The following USB1 variants were observed in gnomAD, a reference collection of about 807,000 sequenced individuals.
USB1 encodes U6 snRNA phosphodiesterase 1.
In USB1, 21 loss-of-function variants were observed where a neutral mutation model predicts 29.9. The observed-to-expected ratio is 0.70, with a 90% confidence interval of 0.50 to 1.01. USB1 has a LOEUF of 1.01. USB1 is among the 50% of genes least tolerant of loss of function. The pLI, the probability that USB1 is intolerant of heterozygous loss-of-function variation, is 0.00. For synonymous variants in USB1, 143 were observed against 134.9 expected, an observed-to-expected ratio of 1.06 and a Z score of -0.42; for missense variants, 330 against 347.1, an observed-to-expected ratio of 0.95 and a Z score of 0.39.
At chr16:58,001,778 C>T (rs1041881730) in intron 1 of USB1, among the ~76,000 whole-genome samples, 197 bp downstream of exon 1, 18 of 151,888 alleles carry the variant, frequency 1.2e-4, no homozygotes, top group African/African-American at 4.4e-4. Flanking sequence ...GTGGCCCCAC[C>T]TGGCTAGGGC....
In USB1 at chr16:58,010,184, G is replaced by A. The variant is rs559769855; in HGVS notation, c.449+72G>A. ...TTCTCCTCCTCTCCTGAGCTACTGC[G>A]GGCATTACCCCAGCAGGCAGGCAGA... On this transcript the variant is annotated intron_variant, in intron 3 of 6. Transcript: ENST00000219281. The A allele has an allele frequency of 2.7e-3, 4,232 of 1,582,838 alleles. 5 individuals carry two copies. The highest frequency in any genetic ancestry group is 3.5e-3 in the Non-Finnish European group (4,001 of 1,156,032).
In USB1 at chr16:58,018,958, G is replaced by A. The variant is rs757856307; in HGVS notation, c.610-14G>A. The A allele has an allele frequency of 2.4e-5, 38 of 1,613,898 alleles. No individual in the cohort carries two copies. Among genetic ancestry groups the A allele is most frequent in the Non-Finnish European group, 3.1e-5 (37 of 1,179,988 alleles). On this transcript the variant is annotated splice_polypyrimidine_tract_variant and intron_variant, in intron 5 of 6. Transcript: ENST00000219281. ...GCGTCCGGGTGACTGCCTGCCTCTC[G>A]TTTCCCTCCCCAGGATCCTTCTTTC...
intron 4 of USB1, chr16:58,017,002 A>G (rs1433799127): frequency 2.7e-6 from 1 of 369,452 alleles, no homozygotes; most frequent in Admixed American, 3.9e-5. Context: ...GACAGGAGTC[A>G]TTTGCGATTG....
chr16:57,999,782 A>T (rs1019026136), upstream of USB1: 5 of 152,336 alleles, frequency 3.3e-5, no homozygotes, highest in African/African-American at 7.2e-5. Context: ...TGCTTGAGCA[A>T]GCAGGTACCA....
At chr16:58,008,497 A>G (rs561968654) in intron 2 of USB1, among the ~76,000 whole-genome samples, 1 of 137,260 alleles carries the variant, frequency 7.3e-6, no homozygotes, top group African/African-American at 2.8e-5. Flanking sequence ...TCCGTCACCC[A>G]GGCTGGAGTA....
In USB1 at chr16:58,020,615, T is replaced by G; in HGVS notation, c.*370T>G. On this transcript the variant is annotated 3_prime_UTR_variant, in exon 7 of 7. Coordinates refer to ENST00000219281, the MANE Select transcript of USB1 (RefSeq NM_024598.4). ...CTCTCTCTACCCCTCCTGTCTCTCC[T>G]CCCCTCCTCTCTCTTCCTCTCCTCT... The G allele has an allele frequency of 3.3e-6, 1 of 302,582 alleles. No individual in the cohort carries two copies. Among genetic ancestry groups the G allele is most frequent in the Non-Finnish European group, 6.1e-6 (1 of 163,300 alleles). The allele number at this position is 302,582 out of a possible 1,614,324, so 18.7% of individuals were successfully genotyped here. A position where few individuals can be genotyped will look rare whatever the true frequency, so the allele number is the denominator to read the frequency against.
intron 3 of USB1, chr16:58,011,064 G>GT: frequency 1.2e-6 from 1 of 816,942 alleles, no homozygotes. Context: ...AGATGCCCCT[G>GT]TCACCCAGGA....
chr16:58,011,166 G>A, intron 3 of USB1: 1 of 1,506,450 alleles, frequency 6.6e-7, no homozygotes, highest in Non-Finnish European at 8.9e-7. Flanking sequence ...CTGCTGCTTA[G>A]GAAATGACAC....
intron 2 of USB1, among the ~76,000 whole-genome samples, chr16:58,008,636 A>G (rs1302488025): frequency 6.6e-6 from 1 of 151,920 alleles, no homozygotes; most frequent in Admixed American, 6.6e-5. Flanking sequence ...TATTTTTAGT[A>G]GAGACGGGGT....
Position 58,020,383 on chromosome 16 carries a change from A to T in USB1, c.*138A>T, listed in dbSNP as rs929478632. On this transcript the variant is annotated 3_prime_UTR_variant, in exon 7 of 7. Transcript: ENST00000219281. ...CTTCAACCTGGCAGGAGGTGTAGCC[A>T]CTCCTCATCCTCCCTGAGTGCTGAT... 5.4e-6 allele frequency: 4 copies of T among 743,774 alleles called. No homozygotes were observed. The highest frequency in any genetic ancestry group is 5.2e-5 in the African/African-American group (3 of 57,376). 46.1% of individuals were successfully genotyped at this position (743,774 alleles called of 1,614,324 possible). A position where few individuals can be genotyped will look rare whatever the true frequency, so the allele number is the denominator to read the frequency against.
At chr16:58,012,030 G>A (rs1379124106) in intron 3 of USB1, 9 of 1,219,460 alleles carry the variant, frequency 7.4e-6, no homozygotes, top group Admixed American at 4.0e-5. Flanking sequence ...AGCCTGATGT[G>A]TGGCTGTGTA....
intron 1 of USB1, 46 bp downstream of exon 1, chr16:58,001,627 A>G (rs984082882): frequency 6.4e-7 from 1 of 1,560,478 alleles, no homozygotes; most frequent in African/African-American, 1.4e-5. Flanking sequence ...CATTCACCCT[A>G]GAGCCAGACG....
At chr16:58,018,605 C>G (rs1158806560) in intron 5 of USB1, among the ~76,000 whole-genome samples, 1 of 151,676 alleles carries the variant, frequency 6.6e-6, no homozygotes, top group Non-Finnish European at 1.5e-5. Flanking sequence ...TTGGGGGCTA[C>G]AGAGAGAGAG....
Position 58,013,279 on chromosome 16 carries a change from C to T in USB1, c.450-994C>T, listed in dbSNP as rs1963540003. 5 of 985,296 alleles carry T rather than the reference C, an allele frequency of 5.1e-6. No homozygotes were observed. Among genetic ancestry groups the T allele is most frequent in the Non-Finnish European group, 6.0e-6 (5 of 829,946 alleles). 61.0% of individuals were successfully genotyped at this position (985,296 alleles called of 1,614,324 possible). On this transcript the variant is annotated intron_variant, in intron 3 of 6. Transcript: ENST00000219281. The surrounding 1 kb of genome is among the most constrained non-coding windows in gnomAD (Gnocchi z 4.3). ...TGTCCACTCCAGGATGTTTGGGAGA[C>T]ACCTTGAGAACTCTTCCTAAAAGCT... is the stretch of plus-strand genomic sequence containing the variant.
intron 3 of USB1, chr16:58,012,872 C>A (rs1303186204): frequency 2.8e-5 from 28 of 986,960 alleles, no homozygotes; most frequent in Non-Finnish European, 1.2e-5. Flanking sequence ...GGCACGAGTC[C>A]CTTGCTGGGA....
chr16:58,002,772 T>C, intron 2 of USB1, 127 bp downstream of exon 2: 1 of 1,338,892 alleles, frequency 7.5e-7, no homozygotes, highest in Non-Finnish European at 1.0e-6. Context: ...GGGAAAGTCA[T>C]TGACTTAGCA....
At position 58,013,371 on chromosome 16, in the gene USB1, G is replaced by A. The variant is rs1211186434; in HGVS notation, c.450-902G>A. 4 of 985,416 alleles carry A rather than the reference G, an allele frequency of 4.1e-6. No individual in the cohort carries two copies. Among genetic ancestry groups the A allele is most frequent in the Non-Finnish European group, 4.8e-6 (4 of 830,006 alleles). The allele number at this position is 985,416 out of a possible 1,614,324, so 61.0% of individuals were successfully genotyped here. A position where few individuals can be genotyped will look rare whatever the true frequency, so the allele number is the denominator to read the frequency against. Reference sequence around the variant, plus strand: ...TTTCTCCAGAGGCAGAGAGTTGGCTGACTGACTTTTGCCCTTGGGCAGATT... The same window carrying A: ...TTTCTCCAGAGGCAGAGAGTTGGCTAACTGACTTTTGCCCTTGGGCAGATT... On this transcript the variant is annotated intron_variant, in intron 3 of 6. Coordinates refer to ENST00000219281, the MANE Select transcript of USB1 (RefSeq NM_024598.4). The surrounding 1 kb of genome is among the most constrained non-coding windows in gnomAD (Gnocchi z 4.3).
chr16:58,019,666 C>T lies in USB1; in HGVS notation c.694-475C>T, dbSNP rs563532621. On this transcript the variant is annotated intron_variant, in intron 6 of 6. Transcript: ENST00000219281. The stretch of plus-strand genomic sequence containing the variant: ...GAAGATTGGCCTAGAGTTGCCAGCA[C>T]TTCTGTTTCATAAGAGAAGCCAGAA... Among the ~76,000 whole-genome samples the T allele has an allele frequency of 6.6e-5, 10 of 152,264 alleles. No homozygotes were observed. The East Asian group carries it at 1.5e-3, about 23-fold the overall frequency.
chr16:58,017,475 T>A, intron 5 of USB1, 36 bp downstream of exon 5: 1 of 1,574,362 alleles, frequency 6.4e-7, no homozygotes, highest in Non-Finnish European at 8.7e-7. Flanking sequence ...CATTGACCCA[T>A]TTCTAATGAG....
Sources: allele counts gnomAD v4.1 joint callset (sites outside exome capture counted in the v4.1 genomes callset), GRCh38; gene constraint gnomAD v4.1.1; non-coding constraint Gnocchi (gnomAD v3.1); transcripts MANE v1.5; gene names NCBI Gene and HGNC (gene_info 2026-07-23, HGNC 2026-07-21).